ABCC1: variants seen among roughly 807,000 people sequenced by gnomAD.
ABCC1 encodes the protein ATP binding cassette subfamily C member 1 (ABCC1 blood group).
Under a neutral mutation model 172.9 loss-of-function variants are expected in ABCC1, and 83 were observed. The observed-to-expected ratio is 0.48, with a 90% CI of 0.40 to 0.58. The LOEUF is 0.58. Among genes scored for constraint, ABCC1 ranks in the 20% least tolerant of loss-of-function variants. ABCC1 has a pLI of 0.00. For missense variants in ABCC1, 1,817 were observed against 2,002.7 expected (o/e 0.91, Z 1.77); for synonymous variants, 937 against 825.2 (o/e 1.14, Z -2.32).
chr16:15,991,773 G>A (rs906828963), intron 1 of ABCC1, among the ~76,000 whole-genome samples: 2 of 152,096 alleles, frequency 1.3e-5, no homozygotes, highest in East Asian at 3.9e-4. Flanking sequence ...CATACACGCC[G>A]ACTCTGCAGT....
intron 12 of ABCC1, 39 bp downstream of exon 12, chr16:16,056,334 A>T: frequency 6.2e-7 from 1 of 1,608,556 alleles, no homozygotes; most frequent in Admixed American, 1.7e-5. Flanking sequence ...TCATTGTTTG[A>T]TGTTTTATTT....
rs779817325 is a variant in ABCC1, at chr16:16,079,467, G to A, written c.2104G>A (p.Val702Met). The change falls in exon 16 of 31, where the codon GTG becomes ATG. Residue 702 changes from valine (V) to methionine (M), a missense_variant. By Grantham distance (21) the Val-to-Met change is conservative. This residue lies in a region of ABCC1 where 1,412 missense variants were observed against 1,600.3 expected (regional missense o/e 0.88). Coordinates refer to ENST00000399410, the MANE Select transcript of ABCC1 (RefSeq NM_004996.4). ...LAEMDKVEGHVAIKGSVAYVP... is the reference protein window; with the variant it reads ...LAEMDKVEGHMAIKGSVAYVP... ...TGAGATGGACAAAGTGGAGGGGCACGTGGCTATCAAGGTAGGATGAGGACC... is the reference window on the plus strand; with the variant it reads ...TGAGATGGACAAAGTGGAGGGGCACATGGCTATCAAGGTAGGATGAGGACC... 5 of 1,612,922 alleles carry A rather than the reference G, an allele frequency of 3.1e-6. No homozygotes were observed. The highest frequency in any genetic ancestry group is 2.2e-5 in the South Asian group (2 of 91,010).
chr16:16,101,259 C>T (rs1046280469), intron 19 of ABCC1, among the ~76,000 whole-genome samples: 2 of 152,126 alleles, frequency 1.3e-5, no homozygotes, highest in African/African-American at 2.4e-5. Context: ...GTCTTGAACT[C>T]CTGGCCTCAA....
At chr16:16,128,735 A>ACGCCTG (rs1218503120) in intron 26 of ABCC1, among the ~76,000 whole-genome samples, 2 of 152,242 alleles carry the variant, frequency 1.3e-5, no homozygotes, top group Non-Finnish European at 2.9e-5. Context: ...ACAGTGGCCC[A>ACGCCTG]CGCCTGCAAT....
chr16:16,081,977 C>T (rs1397466872), intron 16 of ABCC1, among the ~76,000 whole-genome samples: 2 of 152,144 alleles, frequency 1.3e-5, no homozygotes, highest in African/African-American at 4.8e-5. Flanking sequence ...GAGATCTTGA[C>T]ACTGTATTCC....
chr16:15,999,302 G>A (rs957448137), intron 1 of ABCC1, among the ~76,000 whole-genome samples: 4 of 152,072 alleles, frequency 2.6e-5, no homozygotes, highest in African/African-American at 7.2e-5. Flanking sequence ...ACTGTGCCCA[G>A]CCAAAAAAAT....
At chr16:15,993,106 C>T (rs11865571) in intron 1 of ABCC1, among the ~76,000 whole-genome samples, 3,953 of 152,266 alleles carry the variant, frequency 0.026, 168 homozygotes, top group African/African-American at 0.088. Context: ...TATCTGTGAG[C>T]TTTCATCTTT....
intron 1 of ABCC1, among the ~76,000 whole-genome samples, chr16:15,968,685 A>G (rs948911509): frequency 1.3e-5 from 2 of 152,036 alleles, no homozygotes; most frequent in African/African-American, 4.8e-5. Flanking sequence ...CCATAAATAC[A>G]TGGTATTTTT....
chr16:16,140,214 A>G (rs2046076604), intron 30 of ABCC1, among the ~76,000 whole-genome samples: 1 of 152,162 alleles, frequency 6.6e-6, no homozygotes, highest in Non-Finnish European at 1.5e-5. Context: ...CAGGGGCAGG[A>G]GATTAGGCCA....
chr16:15,956,987 G>T (rs1301090665), intron 1 of ABCC1, among the ~76,000 whole-genome samples: 2 of 152,182 alleles, frequency 1.3e-5, no homozygotes, highest in African/African-American at 2.4e-5. Context: ...AAACTTCTTT[G>T]TAAGGATTTT....
At chr16:16,139,898 A>G (rs2046068071) in intron 30 of ABCC1, among the ~76,000 whole-genome samples, 2 of 152,196 alleles carry the variant, frequency 1.3e-5, no homozygotes, top group African/African-American at 2.4e-5. Context: ...CCTTGTTCTT[A>G]AGGGCCGGGG....
chr16:16,048,059 C>A, intron 9 of ABCC1, 83 bp from the exon 10 acceptor site: 1 of 1,505,798 alleles, frequency 6.6e-7, no homozygotes, highest in Non-Finnish European at 9.1e-7. Context: ...CTGAGAGTCT[C>A]CTTCCTCTCC....
chr16:15,993,150 C>G (rs1001398834), intron 1 of ABCC1, among the ~76,000 whole-genome samples: 2 of 152,162 alleles, frequency 1.3e-5, no homozygotes, highest in Non-Finnish European at 2.9e-5. Context: ...ACAGAGATAT[C>G]GTTTCTGATT....
intron 7 of ABCC1, among the ~76,000 whole-genome samples, chr16:16,037,713 G>T (rs1010505356): frequency 2.6e-5 from 4 of 152,140 alleles, no homozygotes; most frequent in Non-Finnish European, 4.4e-5. Context: ...GCCTTACAGG[G>T]AAAAACCCCA....
chr16:16,110,227 G>A (rs1165554912), intron 21 of ABCC1, among the ~76,000 whole-genome samples: 1 of 151,872 alleles, frequency 6.6e-6, no homozygotes, highest in Non-Finnish European at 1.5e-5. Context: ...CAGCCTACAG[G>A]CATGTGCCCC....
intron 10 of ABCC1, among the ~76,000 whole-genome samples, chr16:16,052,018 C>T (rs1204226972): frequency 1.3e-5 from 2 of 152,144 alleles, no homozygotes; most frequent in African/African-American, 4.8e-5. Context: ...GTCGCTTGAG[C>T]CCATGAGTTT....
At chr16:16,081,853 C>G (rs980846002) in intron 16 of ABCC1, among the ~76,000 whole-genome samples, 1 of 152,056 alleles carries the variant, frequency 6.6e-6, no homozygotes, top group Admixed American at 6.6e-5. Context: ...AACCCCGTCT[C>G]TACTGAAAAT....
chr16:16,109,765 A>G (rs183992848), intron 21 of ABCC1, among the ~76,000 whole-genome samples: 2 of 152,296 alleles, frequency 1.3e-5, no homozygotes, highest in African/African-American at 2.4e-5. Flanking sequence ...CTCAGAGTGA[A>G]AAGAGTTGGA....
At chr16:15,950,297 T>C (rs573879165) in intron 1 of ABCC1, among the ~76,000 whole-genome samples, 11 of 152,278 alleles carry the variant, frequency 7.2e-5, no homozygotes, top group African/African-American at 2.2e-4. Flanking sequence ...CCCAAAGTTG[T>C]CGTACAAGCC....
Sources: gnomAD v4.1 joint callset for allele counts (sites outside exome capture counted in the v4.1 genomes callset) on GRCh38, gnomAD v4.1.1 for gene constraint, gnomAD v4.1.1 regional missense constraint, MANE v1.5 for transcripts, NCBI Gene and HGNC (gene_info 2026-07-23, HGNC 2026-07-21) for gene names.